Variants in KCNQ1 observed in about 807,000 individuals in gnomAD.
The protein encoded by KCNQ1 is potassium voltage-gated channel subfamily KQT member 1.
In KCNQ1, 49 loss-of-function variants were observed where a neutral mutation model predicts 72.4. That is an observed-to-expected ratio of 0.68 (90% CI 0.54 to 0.86). The LOEUF is 0.86. Among genes scored for constraint, KCNQ1 ranks in the 40% least tolerant of loss-of-function variants. The probability of loss-of-function intolerance (pLI) is 0.00; values close to 1 mark genes in which losing one functional copy is unlikely to be tolerated. For missense variants in KCNQ1, 790 were observed against 945.1 expected (o/e 0.84, Z 2.15); for synonymous variants, 450 against 412.6 (o/e 1.09, Z -1.10).
rs7934445 is a variant in KCNQ1, at chr11:2,824,683, A to C, written c.1795-23084A>C. Among the ~76,000 whole-genome samples the C allele has an allele frequency of 0.014, 2,191 of 152,244 alleles. 49 individuals carry two copies. The highest frequency in any genetic ancestry group is 0.05 in the African/African-American group (2,082 of 41,530). The stretch of plus-strand genomic sequence containing the variant: ...ACTCAAGGGGTGAACAGGGCCTTGC[A>C]GTACAGGAAGCAGCTGGGGGTGGCG... On this transcript the variant is annotated intron_variant, in intron 15 of 15. Coordinates refer to ENST00000155840, the MANE Select transcript of KCNQ1 (RefSeq NM_000218.3). This position sits in a 1 kb window ranked among gnomAD's most constrained non-coding sequence, Gnocchi z 5.9.
Position 2,690,957 on chromosome 11 carries a change from C to T in KCNQ1, c.1514+28876C>T, listed in dbSNP as rs1234174035. 1.0e-5 allele frequency: 4 copies of T among 398,620 alleles called. No homozygotes were observed. Among genetic ancestry groups the T allele is most frequent in the Non-Finnish European group, 1.3e-5 (3 of 226,072 alleles). The allele number at this position is 398,620 out of a possible 1,614,324, so 24.7% of individuals were successfully genotyped here. A position where few individuals can be genotyped will look rare whatever the true frequency, so the allele number is the denominator to read the frequency against. ...ACCTGAAAGGTTCATTTGGGAGTCA[C>T]GGGTATGTGTCAACAAAAGCCCACC... is the stretch of plus-strand genomic sequence containing the variant. On this transcript the variant is annotated intron_variant, in intron 11 of 15. Transcript: ENST00000155840. This position sits in a 1 kb window ranked among gnomAD's most constrained non-coding sequence, Gnocchi z 5.1.
At chr11:2,472,252 C>T (rs58680149) in intron 1 of KCNQ1, among the ~76,000 whole-genome samples, 82,177 of 141,766 alleles carry the variant, frequency 0.58, 23,570 homozygotes, top group Non-Finnish European at 0.66. Flanking sequence ...TGTGTGCACC[C>T]ATGTGTATAA....
At chr11:2,834,331 G>C (rs141679935) in intron 15 of KCNQ1, among the ~76,000 whole-genome samples, 25 of 152,260 alleles carry the variant, frequency 1.6e-4, no homozygotes, top group Admixed American at 2.6e-4. Context: ...TGCTGAGGCT[G>C]AGCATGCACT....
chr11:2,803,262 C>A lies in KCNQ1; in HGVS notation c.1794+25225C>A, dbSNP rs1438204053. Among the ~76,000 whole-genome samples, 1 of 152,214 alleles carries A rather than the reference C, an allele frequency of 6.6e-6. No homozygotes were observed. The highest frequency in any genetic ancestry group is 2.4e-5 in the African/African-American group (1 of 41,456). The stretch of plus-strand genomic sequence containing the variant: ...TCTGGAGCATCCTCCCAAGGACTCG[C>A]CCCTAGTCAGGAAAAAATAGGGCCC... On this transcript the variant is annotated intron_variant, in intron 15 of 15. Coordinates refer to ENST00000155840, the MANE Select transcript of KCNQ1 (RefSeq NM_000218.3). The surrounding 1 kb of genome is among the most constrained non-coding windows in gnomAD (Gnocchi z 6.4).
chr11:2,843,205 G>C (rs1158273459), intron 15 of KCNQ1, among the ~76,000 whole-genome samples: 1 of 152,244 alleles, frequency 6.6e-6, no homozygotes, highest in African/African-American at 2.4e-5. Flanking sequence ...CTAAAGCAAA[G>C]TCAAACACAA....
Position 2,617,150 on chromosome 11 carries a change from G to T in KCNQ1, c.1393+28296G>T, listed in dbSNP as rs1296283425. On this transcript the variant is annotated intron_variant, in intron 10 of 15. Transcript: ENST00000155840. This position sits in a 1 kb window ranked among gnomAD's most constrained non-coding sequence, Gnocchi z 4.6. ...AATGCAATATACTAACTATTCTCATGTTCTACATGAGATCTCTAGACTTGT... is the reference window on the plus strand; with the variant it reads ...AATGCAATATACTAACTATTCTCATTTTCTACATGAGATCTCTAGACTTGT... The T allele has an allele frequency of 2.5e-6, 1 of 398,072 alleles. No individual in the cohort carries two copies. Among genetic ancestry groups the T allele is most frequent in the Non-Finnish European group, 4.4e-6 (1 of 225,884 alleles). The allele number at this position is 398,072 out of a possible 1,614,324, so 24.7% of individuals were successfully genotyped here.
Position 2,698,952 on chromosome 11 carries a change from T to A in KCNQ1, c.1514+36871T>A, listed in dbSNP as rs1850724266. 2.5e-6 allele frequency: 1 copy of A among 398,532 alleles called. No individual in the cohort carries two copies. Among genetic ancestry groups the A allele is most frequent in the Non-Finnish European group, 4.4e-6 (1 of 226,072 alleles). The allele number at this position is 398,532 out of a possible 1,614,324, so 24.7% of individuals were successfully genotyped here. A position where few individuals can be genotyped will look rare whatever the true frequency, so the allele number is the denominator to read the frequency against. On this transcript the variant is annotated intron_variant, in intron 11 of 15. Transcript: ENST00000155840. This position sits in a 1 kb window ranked among gnomAD's most constrained non-coding sequence, Gnocchi z 5.1. ...ACCCGAATTCTGATCCCAACTAGGA[T>A]ACCTAACTCAGAACCACAACGGGGA...
At chr11:2,460,207 G>C (rs565151431) in intron 1 of KCNQ1, among the ~76,000 whole-genome samples, 1 of 152,188 alleles carries the variant, frequency 6.6e-6, no homozygotes, top group Non-Finnish European at 1.5e-5. Flanking sequence ...TCCGGGGCAG[G>C]GTGAGTCCCT....
rs1211061631 is a variant in KCNQ1 at position 2,613,308 on chromosome 11, A to G, written c.1393+24454A>G. 2.0e-5 allele frequency: 8 copies of G among 398,442 alleles called. No individual in the cohort carries two copies. Among genetic ancestry groups the G allele is most frequent in the Non-Finnish European group, 4.4e-6 (1 of 226,056 alleles). 24.7% of individuals were successfully genotyped at this position (398,442 alleles called of 1,614,324 possible). On this transcript the variant is annotated intron_variant, in intron 10 of 15. Coordinates refer to ENST00000155840, the MANE Select transcript of KCNQ1 (RefSeq NM_000218.3). The surrounding 1 kb of genome is among the most constrained non-coding windows in gnomAD (Gnocchi z 4.8). ...CATGTACAACTTCCATATCTCCAGA[A>G]TTCCTTTTAAAATTTTTCTTAATCT... is the stretch of plus-strand genomic sequence containing the variant.
Position 2,497,543 on chromosome 11 carries a change from G to A in KCNQ1, c.387-30385G>A, listed in dbSNP as rs1420915046. ...GGTCATTTATGTTCCTCTCTAAACT[G>A]GTTATTCTAGTTAGCAGTTCCTGTA... On this transcript the variant is annotated intron_variant, in intron 1 of 15. Coordinates refer to ENST00000155840, the MANE Select transcript of KCNQ1 (RefSeq NM_000218.3). The surrounding 1 kb of genome is among the most constrained non-coding windows in gnomAD (Gnocchi z 4.5). 6.6e-6 allele frequency among the ~76,000 whole-genome samples: 1 copy of A among 152,050 alleles called. No individual in the cohort carries two copies. The highest frequency in any genetic ancestry group is 2.4e-5 in the African/African-American group (1 of 41,390).
At chr11:2,731,042 T>A (rs1845850994) in intron 11 of KCNQ1, among the ~76,000 whole-genome samples, 1 of 152,202 alleles carries the variant, frequency 6.6e-6, no homozygotes, top group South Asian at 2.1e-4. Context: ...GAGCAAACAC[T>A]TCCTTTGGCC....
At chr11:2,684,702 A>G (rs1202453822) in intron 11 of KCNQ1, 2 of 398,536 alleles carry the variant, frequency 5.0e-6, no homozygotes, top group Non-Finnish European at 8.8e-6. Flanking sequence ...GCACTTGCTC[A>G]GGCGGAGGGG....
intron 2 of KCNQ1, among the ~76,000 whole-genome samples, chr11:2,560,653 C>G (rs917861770): frequency 1.3e-5 from 2 of 152,062 alleles, no homozygotes; most frequent in Non-Finnish European, 2.9e-5. Flanking sequence ...CCCTTCCACA[C>G]CCCAAGTACA....
chr11:2,646,713 G>A (rs1298229201), intron 10 of KCNQ1: 5 of 398,356 alleles, frequency 1.3e-5, no homozygotes, highest in African/African-American at 6.2e-5. Context: ...ATGAGGTTTT[G>A]CCATGTTGCC....
intron 11 of KCNQ1, among the ~76,000 whole-genome samples, chr11:2,739,494 G>A (rs920128196): frequency 4.6e-5 from 7 of 152,104 alleles, no homozygotes; most frequent in Non-Finnish European, 4.4e-5. Context: ...TTTTTATTAC[G>A]CAAAAAAGGA....
intron 11 of KCNQ1, among the ~76,000 whole-genome samples, chr11:2,758,402 A>G (rs972390044): frequency 1.3e-5 from 2 of 152,222 alleles, no homozygotes; most frequent in Non-Finnish European, 2.9e-5. Context: ...TAATGATGAC[A>G]CCAAATGTTG....
chr11:2,666,062 C>T, intron 11 of KCNQ1: 1 of 398,654 alleles, frequency 2.5e-6, no homozygotes, highest in East Asian at 3.6e-5. Context: ...AGAGGACAGG[C>T]CCATAAGCCC....
chr11:2,492,586 C>T lies in KCNQ1; in HGVS notation c.387-35342C>T, dbSNP rs751919677. ...TCCGTGTATTCTCATTGTTCAACTT[C>T]CACTTATGAGTGAGAACATATGGTG... On this transcript the variant is annotated intron_variant, in intron 1 of 15. Coordinates refer to ENST00000155840, the MANE Select transcript of KCNQ1 (RefSeq NM_000218.3). The surrounding 1 kb of genome is among the most constrained non-coding windows in gnomAD (Gnocchi z 4.1). 6.6e-6 allele frequency among the ~76,000 whole-genome samples: 1 copy of T among 152,324 alleles called. No homozygotes were observed. The highest frequency in any genetic ancestry group is 1.5e-5 in the Non-Finnish European group (1 of 68,026).
intron 2 of KCNQ1, 79 bp downstream of exon 2, chr11:2,528,097 G>A (rs1045605928): frequency 3.3e-6 from 4 of 1,199,748 alleles, no homozygotes; most frequent in South Asian, 2.4e-5. Flanking sequence ...GGCCCCATAA[G>A]GTGGGGGGCA....
Sources: gnomAD v4.1 joint callset for allele counts (sites outside exome capture counted in the v4.1 genomes callset) on GRCh38, gnomAD v4.1.1 for gene constraint, Gnocchi (gnomAD v3.1) non-coding constraint, MANE v1.5 for transcripts, NCBI Gene and HGNC (gene_info 2026-07-23, HGNC 2026-07-21) for gene names.